MSI2: variants seen among roughly 807,000 people sequenced by gnomAD.
The protein encoded by MSI2 is RNA-binding protein Musashi homolog 2.
A neutral mutation model predicts 45.6 loss-of-function variants in MSI2; 17 were observed. The ratio of observed to expected loss-of-function variants is 0.37; its 90% confidence interval spans 0.26 to 0.56. The LOEUF (loss-of-function observed/expected upper bound fraction) is 0.56. Among genes scored for constraint, MSI2 ranks in the 20% least tolerant of loss-of-function variants. MSI2 has a pLI of 0.77. For synonymous variants in MSI2, 156 were observed against 158.2 expected, an observed-to-expected ratio of 0.99 and a Z score of 0.11; for missense variants, 293 against 444.2, an observed-to-expected ratio of 0.66 and a Z score of 3.06.
At chr17:57,594,254 C>T (rs78321552) in intron 7 of MSI2, among the ~76,000 whole-genome samples, 2,932 of 152,236 alleles carry the variant, frequency 0.019, 87 homozygotes, top group African/African-American at 0.067. Context: ...TGTGGGATTG[C>T]GGGAGGGTGC....
At chr17:57,399,903 G>C (rs528502475) in intron 5 of MSI2, among the ~76,000 whole-genome samples, 1 of 152,308 alleles carries the variant, frequency 6.6e-6, no homozygotes, top group South Asian at 2.1e-4. Flanking sequence ...GTGCCCCCTG[G>C]TGTCACTCAC....
intron 11 of MSI2, among the ~76,000 whole-genome samples, chr17:57,671,754 T>C (rs1434103182): frequency 6.6e-6 from 1 of 152,242 alleles, no homozygotes; most frequent in Non-Finnish European, 1.5e-5. Flanking sequence ...GCCTTCCCAC[T>C]GTCAGACAGC....
chr17:57,604,653 T>C (rs115147655), intron 8 of MSI2, among the ~76,000 whole-genome samples: 3,072 of 152,264 alleles, frequency 0.02, 99 homozygotes, highest in African/African-American at 0.069. Context: ...ACTGAGATCT[T>C]AGGCCTGCTA....
intron 5 of MSI2, among the ~76,000 whole-genome samples, chr17:57,376,634 C>A (rs792365): frequency 6.6e-6 from 1 of 151,994 alleles, no homozygotes; most frequent in Non-Finnish European, 1.5e-5. Flanking sequence ...AAATAAAAAT[C>A]CTGAGGCCCA....
At chr17:57,360,009 G>A (rs373325008) in intron 5 of MSI2, among the ~76,000 whole-genome samples, 37 of 152,346 alleles carry the variant, frequency 2.4e-4, no homozygotes, top group African/African-American at 8.7e-4. Flanking sequence ...CCAGGGTTTG[G>A]CACCAGAGAA....
intron 6 of MSI2, chr17:57,523,704 T>A (rs1400275316): frequency 6.6e-6 from 1 of 152,234 alleles, no homozygotes; most frequent in Admixed American, 6.5e-5. Context: ...ATGCCTGTGT[T>A]CCATGTGGAA....
At chr17:57,296,854 C>G (rs1911001956) in intron 5 of MSI2, among the ~76,000 whole-genome samples, 2 of 152,232 alleles carry the variant, frequency 1.3e-5, no homozygotes, top group South Asian at 4.1e-4. Context: ...TTCTGTCATT[C>G]AAAAATTATT....
chr17:57,516,231 A>G (rs781148258), intron 6 of MSI2, among the ~76,000 whole-genome samples: 8 of 152,154 alleles, frequency 5.3e-5, no homozygotes, highest in Non-Finnish European at 1.2e-4. Context: ...CCTGGCAACC[A>G]CTGATCTGTT....
intron 6 of MSI2, among the ~76,000 whole-genome samples, chr17:57,445,749 G>A (rs751134496): frequency 2.0e-5 from 3 of 152,100 alleles, no homozygotes; most frequent in East Asian, 1.9e-4. Flanking sequence ...AATTCATACC[G>A]AGTACTTACC....
chr17:57,647,834 G>T (rs987521417), intron 10 of MSI2, among the ~76,000 whole-genome samples: 2 of 151,938 alleles, frequency 1.3e-5, no homozygotes. Flanking sequence ...TAGAGACAGG[G>T]TTTCACTATG....
chr17:57,338,165 C>CT (rs1914831727), intron 5 of MSI2, among the ~76,000 whole-genome samples: 1 of 152,080 alleles, frequency 6.6e-6, no homozygotes, highest in Non-Finnish European at 1.5e-5. Flanking sequence ...TCTCGGCTCA[C>CT]TACAACCTCC....
intron 6 of MSI2, among the ~76,000 whole-genome samples, chr17:57,527,259 C>T (rs1055759457): frequency 4.9e-5 from 1 of 20,592 alleles, no homozygotes; most frequent in Non-Finnish European, 8.4e-5. Flanking sequence ...TGGCAGGACT[C>T]ATCCCCCACC....
intron 10 of MSI2, among the ~76,000 whole-genome samples, chr17:57,641,766 G>A (rs192863915): frequency 4.3e-4 from 66 of 152,314 alleles, no homozygotes; most frequent in African/African-American, 1.5e-3. Context: ...TCACTTTGAA[G>A]GTCTCAGTCT....
chr17:57,608,164 C>G (rs1225843782), intron 8 of MSI2: 1 of 152,632 alleles, frequency 6.6e-6, no homozygotes, highest in East Asian at 1.9e-4. Context: ...CCCAGCACAG[C>G]TGCCAGGATT....
At chr17:57,419,737 G>T (rs2084362226) in intron 6 of MSI2, among the ~76,000 whole-genome samples, 1 of 152,124 alleles carries the variant, frequency 6.6e-6, no homozygotes, top group Admixed American at 6.5e-5. Flanking sequence ...ATGAGAACAG[G>T]TTAGGGCTGT....
At chr17:57,386,629 C>T (rs1425464805) in intron 5 of MSI2, among the ~76,000 whole-genome samples, 1 of 152,136 alleles carries the variant, frequency 6.6e-6, no homozygotes, top group Non-Finnish European at 1.5e-5. Context: ...GTGCATTGAC[C>T]ATGGTCCTCC....
At chr17:57,514,389 G>C (rs1407102641) in intron 6 of MSI2, among the ~76,000 whole-genome samples, 1 of 152,226 alleles carries the variant, frequency 6.6e-6, no homozygotes, top group Non-Finnish European at 1.5e-5. Flanking sequence ...GTACAGCACA[G>C]GTGTGCTGTG....
At chr17:57,531,188 T>C (rs2086814383) in intron 7 of MSI2, among the ~76,000 whole-genome samples, 1 of 152,182 alleles carries the variant, frequency 6.6e-6, no homozygotes, top group Non-Finnish European at 1.5e-5. Flanking sequence ...TCCAGATGCA[T>C]CTCCTAATGT....
At chr17:57,468,847 C>G (rs1446429284) in intron 6 of MSI2, among the ~76,000 whole-genome samples, 1 of 152,018 alleles carries the variant, frequency 6.6e-6, no homozygotes, top group Non-Finnish European at 1.5e-5. Context: ...CTGTAGGGGG[C>G]CCGAGAGGAG....
Sources: gnomAD v4.1 joint callset for allele counts (sites outside exome capture counted in the v4.1 genomes callset) on GRCh38, gnomAD v4.1.1 for gene constraint, MANE v1.5 for transcripts, NCBI Gene and HGNC (gene_info 2026-07-23, HGNC 2026-07-21) for gene names.